The following NBPF12 variants were observed in gnomAD, a reference collection of about 807,000 sequenced individuals.
NBPF12 encodes the protein NBPF member 12, also known as NBPF family member NBPF12.
In NBPF12, 115 loss-of-function variants were observed where a neutral mutation model predicts 146.4. The observed-to-expected ratio is 0.79, with a 90% CI of 0.68 to 0.92. The LOEUF is 0.92. Among genes scored for constraint, NBPF12 ranks in the 40% least tolerant of loss-of-function variants. NBPF12 has a pLI of 0.00. For missense variants in NBPF12, 1,205 were observed against 1,326.8 expected (o/e 0.91, Z 1.43); for synonymous variants, 385 against 508.9 (o/e 0.76, Z 3.28).
intron 18 of NBPF12, among the ~76,000 whole-genome samples, chr1:146,978,526 A>G (rs1227840781): frequency 2.6e-5 from 4 of 151,020 alleles, no homozygotes; most frequent in Admixed American, 6.6e-5. Flanking sequence ...TGGCCTCCCA[A>G]ATCACAGATT....
At chr1:146,973,373 A>C (rs1656782193) in intron 14 of NBPF12, among the ~76,000 whole-genome samples, 1 of 151,778 alleles carries the variant, frequency 6.6e-6, no homozygotes, top group Non-Finnish European at 1.5e-5. Flanking sequence ...CCCAATACGC[A>C]AAGCTCTGTT....
upstream of NBPF12, among the ~76,000 whole-genome samples, chr1:146,945,792 A>G (rs1655029948): frequency 6.6e-6 from 1 of 152,116 alleles, no homozygotes; most frequent in Non-Finnish European, 1.5e-5. Context: ...CTGTTGATAC[A>G]TCATTATCAA....
At chr1:146,994,384 C>T (rs782445480) in exon 34 of NBPF12, 16 of 1,612,296 alleles carry the variant, frequency 9.9e-6, no homozygotes, top group South Asian at 7.7e-5. Flanking sequence ...GCAGGACTCA[C>T]TGGATAGATG....
At chr1:146,941,583 G>A (rs1436312285) in intron 1 of NBPF12, among the ~76,000 whole-genome samples, 3 of 142,152 alleles carry the variant, frequency 2.1e-5, no homozygotes, top group East Asian at 4.4e-4. Context: ...GTGAAACCCC[G>A]TCTCTACTAA....
rs1553886266 is a variant in NBPF12 at position 146,970,699 on chromosome 1, G to A, written c.1359G>A (p.Val453=). The stretch of plus-strand genomic sequence containing the variant: ...TTCAAGTTGAGGAGGATGAGAAAGT[G>A]CTGGAATCATCTTCCCCCAGGTGAC... Residue 453 remains valine (V), a synonymous_variant, in exon 12 of 34, where the codon GTG becomes GTA. Transcript: ENST00000617844. 6,594 of 1,393,038 alleles carry A rather than the reference G, an allele frequency of 4.7e-3. 80 individuals carry two copies. Among genetic ancestry groups the A allele is most frequent in the Non-Finnish European group, 5.4e-3 (5,291 of 981,622 alleles). 86.3% of individuals were successfully genotyped at this position (1,393,038 alleles called of 1,614,324 possible).
chr1:146,938,337 T>C (rs1486034631), upstream of NBPF12, among the ~76,000 whole-genome samples: 67 of 152,242 alleles, frequency 4.4e-4, 2 homozygotes, highest in African/African-American at 9.9e-4. Flanking sequence ...AGTCAGACTA[T>C]GGGGCGGTGC....
At chr1:146,975,519 C>G (rs1251600434) in intron 15 of NBPF12, among the ~76,000 whole-genome samples, 158 bp from the exon 19 acceptor site, 2 of 146,330 alleles carry the variant, frequency 1.4e-5, no homozygotes, top group South Asian at 2.2e-4. Flanking sequence ...AAACCATTTT[C>G]TATTCTTTCT....
intron 19 of NBPF12, among the ~76,000 whole-genome samples, chr1:146,981,452 G>T (rs1169700369): frequency 6.6e-6 from 1 of 151,204 alleles, no homozygotes; most frequent in South Asian, 2.1e-4. Context: ...TCCCTTTGTG[G>T]GTAATCCGAC....
chr1:146,954,905 G>A (rs1199184099), intron 2 of NBPF12, among the ~76,000 whole-genome samples: 1 of 94,428 alleles, frequency 1.1e-5, no homozygotes, highest in African/African-American at 4.7e-5. Context: ...ACAAACGTGT[G>A]TGTGTGTGTG....
At chr1:146,945,985 G>A (rs1225189239), upstream of NBPF12, among the ~76,000 whole-genome samples, 3 of 151,558 alleles carry the variant, frequency 2.0e-5, no homozygotes, top group African/African-American at 4.9e-5. Context: ...ACCACTCATC[G>A]TTTTACTACT....
intron 1 of NBPF12, among the ~76,000 whole-genome samples, chr1:146,950,834 T>C (rs1244983944): frequency 0.012 from 1,761 of 152,252 alleles, 11 homozygotes; most frequent in Non-Finnish European, 0.02. Context: ...TTTGAATGTT[T>C]CCAGTTTTTC....
chr1:146,951,619 A>T, intron 2 of NBPF12, 130 bp downstream of exon 5: 2 of 499,108 alleles, frequency 4.0e-6, no homozygotes, highest in Non-Finnish European at 7.2e-6. Context: ...TATCACTTTA[A>T]ATGATGATGT....
chr1:146,982,612 G>A (rs1333661123), intron 19 of NBPF12, among the ~76,000 whole-genome samples: 20 of 151,716 alleles, frequency 1.3e-4, no homozygotes, highest in Non-Finnish European at 2.9e-5. Flanking sequence ...CCCAATTTAT[G>A]CAAAGTAGTT....
At chr1:146,971,326 A>G (rs1430052162) in exon 13 of NBPF12, 1 of 1,611,828 alleles carries the variant, frequency 6.2e-7, no homozygotes, top group Non-Finnish European at 8.5e-7. Context: ...GACAAAGTCA[A>G]CTCATCTCTG....
At chr1:146,971,845 C>T (rs1240349722) in intron 13 of NBPF12, among the ~76,000 whole-genome samples, 18 of 147,984 alleles carry the variant, frequency 1.2e-4, no homozygotes, top group African/African-American at 3.8e-4. Flanking sequence ...TTTGGGAGGC[C>T]GAGGCGGGTG....
upstream of NBPF12, among the ~76,000 whole-genome samples, chr1:146,944,844 TTC>T (rs1198327763): frequency 2.7e-5 from 4 of 149,574 alleles, no homozygotes; most frequent in Admixed American, 6.6e-5. Flanking sequence ...CCCACTCTCT[TTC>T]TCTCTCTCAT....
chr1:146,995,036 G>A (rs868995245), exon 34 of NBPF12: 2,721 of 184,042 alleles, frequency 0.015, 107 homozygotes, highest in African/African-American at 0.066. Context: ...ACACAGGAGG[G>A]ATCCTTGGCT....
intron 8 of NBPF12, 66 bp from the exon 12 acceptor site, chr1:146,966,398 C>T: frequency 7.9e-7 from 1 of 1,270,456 alleles, no homozygotes; most frequent in Non-Finnish European, 1.2e-6. Context: ...ATCCCTCAGT[C>T]CTGATTAAGC....
intron 19 of NBPF12, among the ~76,000 whole-genome samples, chr1:146,982,563 A>G (rs1321503472): frequency 1.3e-5 from 2 of 152,060 alleles, no homozygotes; most frequent in African/African-American, 4.8e-5. Context: ...GCATTGGGTC[A>G]AGAACTCTCT....
Sources: allele counts gnomAD v4.1 joint callset (sites outside exome capture counted in the v4.1 genomes callset), GRCh38; gene constraint gnomAD v4.1.1; transcripts MANE v1.5; gene names NCBI Gene and HGNC (gene_info 2026-07-23, HGNC 2026-07-21).